The following ADGRV1 variants were observed in gnomAD, a reference collection of about 807,000 sequenced individuals.
ADGRV1 encodes G-protein coupled receptor 98.
Under a neutral mutation model 596.2 loss-of-function variants are expected in ADGRV1, and 359 were observed. The observed-to-expected ratio is 0.60, with a 90% CI of 0.55 to 0.66. The LOEUF (loss-of-function observed/expected upper bound fraction) is 0.66. Ranked by LOEUF, ADGRV1 falls within the 30% of genes least tolerant of loss-of-function variation. The pLI is 0.00. For missense variants in ADGRV1, 7,274 were observed against 7,575.6 expected (o/e 0.96, Z 1.48); for synonymous variants, 2,681 against 2,679.2 (o/e 1.00, Z -0.02).
chr5:90,729,535 T>G, intron 49 of ADGRV1, 107 bp from the exon 50 acceptor site: 2 of 866,526 alleles, frequency 2.3e-6, no homozygotes, highest in Admixed American at 2.7e-5. Context: ...AAATGGATTC[T>G]GAGGAAATTT....
At chr5:91,135,040 G>A (rs1222171945) in intron 87 of ADGRV1, among the ~76,000 whole-genome samples, 3 of 151,978 alleles carry the variant, frequency 2.0e-5, no homozygotes, top group Non-Finnish European at 4.4e-5. Flanking sequence ...AAATTAGCTG[G>A]GCATTTGGCA....
At chr5:90,903,116 A>G (rs1772001069) in intron 83 of ADGRV1, among the ~76,000 whole-genome samples, 1 of 152,088 alleles carries the variant, frequency 6.6e-6, no homozygotes, top group South Asian at 2.1e-4. Context: ...ACCAAGAATG[A>G]TTTATTTACT....
rs963514739 is a variant in ADGRV1, at chr5:91,020,171, G to C, written c.18152+34649G>C. 5.3e-5 allele frequency among the ~76,000 whole-genome samples: 8 copies of C among 151,976 alleles called. 1 individual carries two copies. In the South Asian group the frequency reaches 1.5e-3, roughly 28 times the overall value. ...GTTAACTGGTTTACATTATTTCTGA[G>C]TAAGTCCCAGCAATTGTTCTTGTCA... On this transcript the variant is annotated intron_variant, in intron 85 of 89. Transcript: ENST00000405460.
intron 1 of ADGRV1, among the ~76,000 whole-genome samples, chr5:90,607,675 T>A (rs1210160815): frequency 6.6e-6 from 1 of 152,098 alleles, no homozygotes; most frequent in Admixed American, 6.6e-5. Context: ...ATACTAAAAT[T>A]GGGACTTTCT....
intron 59 of ADGRV1, among the ~76,000 whole-genome samples, chr5:90,765,852 T>A (rs896550901): frequency 2.0e-5 from 3 of 151,516 alleles, no homozygotes; most frequent in African/African-American, 7.3e-5. Flanking sequence ...TACAGGCATG[T>A]GCCACCATGC....
chr5:90,982,647 G>A (rs1780170049), intron 84 of ADGRV1, among the ~76,000 whole-genome samples: 1 of 152,212 alleles, frequency 6.6e-6, no homozygotes, highest in African/African-American at 2.4e-5. Flanking sequence ...CTGCTTCACT[G>A]CCCTCATGGC....
intron 21 of ADGRV1, among the ~76,000 whole-genome samples, chr5:90,670,873 T>C (rs894935165): frequency 6.6e-6 from 1 of 152,248 alleles, no homozygotes; most frequent in African/African-American, 2.4e-5. Context: ...TTTAGCCTCC[T>C]AATACATCCT....
chr5:90,609,765 G>A (rs561985487), intron 1 of ADGRV1, among the ~76,000 whole-genome samples: 11 of 152,044 alleles, frequency 7.2e-5, no homozygotes, highest in African/African-American at 2.6e-4. Flanking sequence ...GCTTGCTATG[G>A]CATTGACAAG....
chr5:90,786,651 G>T (rs1031980140), intron 67 of ADGRV1, among the ~76,000 whole-genome samples: 5 of 152,158 alleles, frequency 3.3e-5, no homozygotes, highest in African/African-American at 1.2e-4. Context: ...GGCGAGAAGT[G>T]GGTATACATT....
At chr5:90,719,762 T>C (rs1750669021) in intron 43 of ADGRV1, among the ~76,000 whole-genome samples, 1 of 152,224 alleles carries the variant, frequency 6.6e-6, no homozygotes, top group East Asian at 1.9e-4. Flanking sequence ...GACAAAAAGT[T>C]CACAAAAATG....
intron 85 of ADGRV1, among the ~76,000 whole-genome samples, chr5:91,061,152 T>C (rs1221598435): frequency 6.6e-6 from 1 of 152,194 alleles, no homozygotes; most frequent in Non-Finnish European, 1.5e-5. Flanking sequence ...CCTTGAATAC[T>C]CTAGGACAAC....
intron 43 of ADGRV1, among the ~76,000 whole-genome samples, chr5:90,718,612 T>C (rs1157138588): frequency 6.6e-6 from 1 of 152,124 alleles, no homozygotes; most frequent in Non-Finnish European, 1.5e-5. Context: ...CAAATGCATA[T>C]TCATTGTCAT....
intron 78 of ADGRV1, 108 bp from the exon 79 acceptor site, chr5:90,848,529 C>T: frequency 2.1e-6 from 1 of 466,638 alleles, no homozygotes; most frequent in Non-Finnish European, 3.4e-6. Flanking sequence ...TTTATCCTTA[C>T]TAATGTTAAT....
Position 90,724,830 on chromosome 5 carries a change from AG to A in ADGRV1, c.9752del. ...TAGTAAACCATGATTTGTGTTTTTC[AG>A]GGGGAATGGATGTTGTGTTTTCCGT... On this transcript the variant is annotated splice_acceptor_variant, in intron 45 of 89. Coordinates refer to ENST00000405460, the MANE Select transcript of ADGRV1 (RefSeq NM_032119.4). LOFTEE classifies it high-confidence loss of function. 1 of 1,612,552 alleles carries A rather than the reference AG, an allele frequency of 6.2e-7. No individual in the cohort carries two copies. Among genetic ancestry groups the A allele is most frequent in the South Asian group, 1.1e-5 (1 of 90,960 alleles).
chr5:91,119,058 T>C (rs546755001), intron 87 of ADGRV1, among the ~76,000 whole-genome samples: 1 of 152,336 alleles, frequency 6.6e-6, no homozygotes, highest in African/African-American at 2.4e-5. Context: ...ATGTATGACT[T>C]GTTCTCTGAG....
chr5:90,612,724 A>C (rs528967060), intron 1 of ADGRV1, among the ~76,000 whole-genome samples: 28 of 152,230 alleles, frequency 1.8e-4, no homozygotes, highest in African/African-American at 6.5e-4. Flanking sequence ...CCGAATGCAC[A>C]AAATCTTAAA....
At chr5:90,950,838 A>G (rs568109631) in intron 83 of ADGRV1, among the ~76,000 whole-genome samples, 28 of 152,306 alleles carry the variant, frequency 1.8e-4, no homozygotes, top group Admixed American at 1.6e-3. Flanking sequence ...ATCAACTTGC[A>G]TAATAGTAAA....
chr5:91,126,048 T>C (rs942867270), intron 87 of ADGRV1, among the ~76,000 whole-genome samples: 1 of 152,232 alleles, frequency 6.6e-6, no homozygotes, highest in Non-Finnish European at 1.5e-5. Context: ...CCCACCTCAT[T>C]GCATTCCATA....
In ADGRV1 at chr5:90,703,684, T is replaced by C. The variant is rs1194577965; in HGVS notation, c.8175T>C (p.His2725=). The C allele has an allele frequency of 6.2e-7, 1 of 1,601,324 alleles. No homozygotes were observed. Among genetic ancestry groups the C allele is most frequent in the South Asian group, 1.1e-5 (1 of 89,286 alleles). ...IGHEGEILQF[H]VIRTFPGRGN... ...TTGCAGGAGAAATTTTACAATTCCA[T>C]GTGATAAGAACTTTCCCTGGTCGAG... Residue 2725 remains histidine, a synonymous_variant, in exon 35 of 90, where the codon CAT becomes CAC. Transcript: ENST00000405460.
Sources: allele counts gnomAD v4.1 joint callset (sites outside exome capture counted in the v4.1 genomes callset), GRCh38; gene constraint gnomAD v4.1.1; transcripts MANE v1.5; gene names NCBI Gene and HGNC (gene_info 2026-07-23, HGNC 2026-07-21).